Variants in PPFIA2 observed in about 807,000 individuals in gnomAD.
PPFIA2 encodes PPFI scaffold protein A2, also known as liprin-alpha-2.
A neutral mutation model predicts 175.5 loss-of-function variants in PPFIA2; 46 were observed. That is an observed-to-expected ratio of 0.26 (90% CI 0.21 to 0.34). The LOEUF (loss-of-function observed/expected upper bound fraction) is 0.34, where lower values mean the gene tolerates loss of function less well. PPFIA2 is among the 10% of genes least tolerant of loss of function. PPFIA2 has a pLI of 1.00. For missense variants in PPFIA2, 1,179 were observed against 1,506.1 expected, an observed-to-expected ratio of 0.78 and a Z score of 3.60; for synonymous variants, 568 against 511.4, an observed-to-expected ratio of 1.11 and a Z score of -1.49.
chr12:81,589,231 G>T (rs1296195199), intron 4 of PPFIA2, among the ~76,000 whole-genome samples: 1 of 151,998 alleles, frequency 6.6e-6, no homozygotes, highest in African/African-American at 2.4e-5. Flanking sequence ...ATTAGGTAGA[G>T]ACTTCTGCAA....
At chr12:81,320,533 T>G (rs73354621) in intron 22 of PPFIA2, among the ~76,000 whole-genome samples, 54,554 of 151,752 alleles carry the variant, frequency 0.36, 10,709 homozygotes, top group East Asian at 0.54. Flanking sequence ...TATATTATCT[T>G]TATTGTAACT....
At position 81,443,947 on chromosome 12, in the gene PPFIA2, C is replaced by T. The variant is rs374039938; in HGVS notation, c.570+1609G>A. On this transcript the variant is annotated intron_variant, in intron 6 of 32. Transcript: ENST00000549396. ...TGGGCTCACTGCAAGCTCCACCTCC[C>T]GGGTTCACGCCATTCTCCTGCCTCA... Among the ~76,000 whole-genome samples the T allele has an allele frequency of 7.6e-3, 1,131 of 148,582 alleles. 14 individuals carry two copies. Among genetic ancestry groups the T allele is most frequent in the African/African-American group, 0.026 (1,064 of 40,332 alleles).
intron 4 of PPFIA2, among the ~76,000 whole-genome samples, chr12:81,590,783 G>A (rs2058585549): frequency 6.6e-6 from 1 of 152,172 alleles, no homozygotes; most frequent in African/African-American, 2.4e-5. Flanking sequence ...CGCCATGACT[G>A]TAAGGCCTCC....
At chr12:81,286,574 G>A (rs569963897) in intron 24 of PPFIA2, among the ~76,000 whole-genome samples, 85 of 152,070 alleles carry the variant, frequency 5.6e-4, no homozygotes, top group African/African-American at 2.0e-3. Flanking sequence ...GTGTGCAGTA[G>A]TCTATACCAT....
At chr12:81,451,674 G>T (rs189373013) in intron 5 of PPFIA2, among the ~76,000 whole-genome samples, 68 of 152,128 alleles carry the variant, frequency 4.5e-4, no homozygotes, top group African/African-American at 1.5e-3. Context: ...CTCCTTAAGG[G>T]ATGAACGATT....
intron 13 of PPFIA2, chr12:81,368,287 C>A: frequency 1.7e-6 from 1 of 573,126 alleles, no homozygotes; most frequent in South Asian, 1.7e-5. Context: ...GATACTAGTT[C>A]TTTTGATGAT....
At chr12:81,695,528 C>A (rs2153594390) in intron 3 of PPFIA2, among the ~76,000 whole-genome samples, 1 of 152,262 alleles carries the variant, frequency 6.6e-6, no homozygotes, top group South Asian at 2.1e-4. Flanking sequence ...ATGCCAGCAC[C>A]ATGCTTCCTG....
At chr12:81,372,731 A>C (rs2141609836) in intron 11 of PPFIA2, among the ~76,000 whole-genome samples, 1 of 151,736 alleles carries the variant, frequency 6.6e-6, no homozygotes, top group East Asian at 1.9e-4. Flanking sequence ...ATATGGTCAT[A>C]ATATAAAAAG....
intron 30 of PPFIA2, among the ~76,000 whole-genome samples, chr12:81,264,241 A>G (rs185196992): frequency 1.4e-4 from 22 of 152,334 alleles, no homozygotes; most frequent in Admixed American, 1.4e-3. Flanking sequence ...CATAGCAATT[A>G]CATTTTAATT....
chr12:81,611,909 A>T (rs1273861030), intron 4 of PPFIA2, among the ~76,000 whole-genome samples: 1 of 152,030 alleles, frequency 6.6e-6, no homozygotes, highest in Middle Eastern at 3.2e-3. Flanking sequence ...GTCCATGGGG[A>T]GACTGAACCA....
At chr12:81,747,428 G>A (rs1182746581) in intron 3 of PPFIA2, among the ~76,000 whole-genome samples, 1 of 143,972 alleles carries the variant, frequency 6.9e-6, no homozygotes, top group Admixed American at 7.3e-5. Context: ...TTTAAAATTT[G>A]ATAAAGATTG....
intron 9 of PPFIA2, among the ~76,000 whole-genome samples, chr12:81,379,037 C>T (rs1054110611): frequency 2.6e-5 from 4 of 152,102 alleles, no homozygotes; most frequent in African/African-American, 9.7e-5. Flanking sequence ...GATGATCTCA[C>T]TCTATGACGT....
intron 3 of PPFIA2, among the ~76,000 whole-genome samples, chr12:81,687,050 C>T (rs567897218): frequency 2.0e-5 from 3 of 152,098 alleles, no homozygotes; most frequent in East Asian, 3.9e-4. Context: ...TACCTGAATT[C>T]GGCTGCATCT....
At chr12:81,342,946 T>TATAATAATA (rs141700038) in intron 19 of PPFIA2, among the ~76,000 whole-genome samples, 17 of 147,642 alleles carry the variant, frequency 1.2e-4, no homozygotes, top group African/African-American at 3.7e-4. Context: ...AAACTTAAAG[T>TATAATAATA]ATAATAATAA....
chr12:81,340,656 T>C (rs1002242601), intron 20 of PPFIA2, among the ~76,000 whole-genome samples: 1 of 152,096 alleles, frequency 6.6e-6, no homozygotes, highest in Non-Finnish European at 1.5e-5. Context: ...ACCCACAGGA[T>C]GCACATACCT....
chr12:81,703,243 G>T (rs1053656257), intron 3 of PPFIA2, among the ~76,000 whole-genome samples: 1 of 152,006 alleles, frequency 6.6e-6, no homozygotes, highest in South Asian at 2.1e-4. Flanking sequence ...CTGTTTATCA[G>T]ACATCTTATT....
chr12:81,649,286 G>C (rs1397896708), intron 4 of PPFIA2, among the ~76,000 whole-genome samples: 1 of 151,970 alleles, frequency 6.6e-6, no homozygotes, highest in Non-Finnish European at 1.5e-5. Flanking sequence ...AACTTTAATG[G>C]GCATATAGAC....
Position 81,493,787 on chromosome 12 carries a change from T to TATAGACAC in PPFIA2, c.304-35922_304-35921insGTGTCTAT, listed in dbSNP as rs1491517743. 5.6e-3 allele frequency among the ~76,000 whole-genome samples: 721 copies of TATAGACAC among 128,340 alleles called. 11 individuals carry two copies. The highest frequency in any genetic ancestry group is 0.021 in the African/African-American group (683 of 32,446). 84.2% of individuals were successfully genotyped at this position (128,340 alleles called of 152,430 possible). ...ATATATATATATATATATATATATA[T>TATAGACAC]ACACATTGGAAAAAATAACAGCATT... On this transcript the variant is annotated intron_variant, in intron 4 of 32. Coordinates refer to ENST00000549396, the MANE Select transcript of PPFIA2 (RefSeq NM_003625.5).
At chr12:81,266,923 G>C in intron 30 of PPFIA2, 29 bp downstream of exon 30, 1 of 1,531,172 alleles carries the variant, frequency 6.5e-7, no homozygotes, top group South Asian at 1.1e-5. Context: ...TACTCTCTCA[G>C]ATCTCTTTTG....
Sources: gnomAD v4.1 joint callset for allele counts (sites outside exome capture counted in the v4.1 genomes callset) on GRCh38, gnomAD v4.1.1 for gene constraint, MANE v1.5 for transcripts, NCBI Gene and HGNC (gene_info 2026-07-23, HGNC 2026-07-21) for gene names.